RBFOX1: variants seen among roughly 807,000 people sequenced by gnomAD.
RBFOX1 encodes the protein RNA binding fox-1 homolog 1.
RBFOX1 carries 8 observed loss-of-function variants against 57.7 expected under a neutral mutation model. The observed-to-expected ratio is 0.14, with a 90% CI of 0.08 to 0.25. The LOEUF is 0.25. Ranked by LOEUF, RBFOX1 falls within the 10% of genes least tolerant of loss-of-function variation. The pLI, the probability that RBFOX1 is intolerant of heterozygous loss-of-function variation, is 1.00. For synonymous variants in RBFOX1, 326 were observed against 222.4 expected (o/e 1.47, Z -4.15); for missense variants, 611 against 548.5 (o/e 1.11, Z -1.14).
rs997047116 is a variant in RBFOX1 at position 6,002,421 on chromosome 16, T to C, written c.351+135086T>C. 7.2e-5 allele frequency among the ~76,000 whole-genome samples: 11 copies of C among 152,206 alleles called. 1 individual carries two copies. The highest frequency in any genetic ancestry group is 2.7e-4 in the African/African-American group (11 of 41,458). On this transcript the variant is annotated intron_variant, in intron 4 of 19. Transcript: ENST00000641259. ...AGCAGCTCTGGCTGTGCGTACTAGT[T>C]AACAAGACTCACTTTCCACATGGCA...
At position 7,178,126 on chromosome 16, in the gene RBFOX1, G is replaced by A. The variant is rs955763560; in HGVS notation, c.27+126028G>A. On this transcript the variant is annotated intron_variant, in intron 4 of 15. Coordinates refer to ENST00000550418, the MANE Select transcript of RBFOX1 (RefSeq NM_018723.4). ...AACCCCCAGGATGTCAGTGACAGCA[G>A]CAGCAGCAACAACAACAACAAACAA... Among the ~76,000 whole-genome samples, 5 of 152,204 alleles carry A rather than the reference G, an allele frequency of 3.3e-5. No individual in the cohort carries two copies. In the South Asian group the frequency reaches 8.3e-4, roughly 25 times the overall value.
intron 3 of RBFOX1, among the ~76,000 whole-genome samples, chr16:5,725,134 G>C (rs1381380387): frequency 6.6e-6 from 1 of 152,222 alleles, no homozygotes; most frequent in South Asian, 2.1e-4. Flanking sequence ...AATCCTCCAA[G>C]AGGCCTGATA....
intron 2 of RBFOX1, among the ~76,000 whole-genome samples, chr16:5,521,414 G>C (rs978357475): frequency 2.0e-5 from 3 of 152,170 alleles, no homozygotes; most frequent in Non-Finnish European, 4.4e-5. Context: ...TTGTACATTT[G>C]ATTTTAGGAT....
chr16:7,413,838 C>T (rs934913932), intron 4 of RBFOX1, among the ~76,000 whole-genome samples: 12 of 151,998 alleles, frequency 7.9e-5, no homozygotes, highest in African/African-American at 2.9e-4. Context: ...TGGTTTCTAC[C>T]CTATAAATTG....
intron 3 of RBFOX1, among the ~76,000 whole-genome samples, chr16:5,860,281 C>T (rs1597529508): frequency 6.6e-6 from 1 of 152,110 alleles, no homozygotes; most frequent in African/African-American, 2.4e-5. Flanking sequence ...AGGGGTCTCA[C>T]CATGTTGGTC....
At chr16:6,818,349 C>T (rs1227487331) in intron 3 of RBFOX1, among the ~76,000 whole-genome samples, 1 of 152,030 alleles carries the variant, frequency 6.6e-6, no homozygotes, top group Non-Finnish European at 1.5e-5. Context: ...ACGGAGCTCA[C>T]CTCACCCATC....
At chr16:7,036,145 T>G (rs2044347619) in intron 3 of RBFOX1, among the ~76,000 whole-genome samples, 1 of 151,920 alleles carries the variant, frequency 6.6e-6, no homozygotes, top group African/African-American at 2.4e-5. Context: ...TTGGGTGCCT[T>G]CTATCCCTAT....
At chr16:5,539,591 ACT>A (rs1024219020) in intron 2 of RBFOX1, among the ~76,000 whole-genome samples, 8 of 151,762 alleles carry the variant, frequency 5.3e-5, no homozygotes, top group African/African-American at 1.9e-4. Context: ...ATAGAGCGAG[ACT>A]CTCTCTCAAA....
At chr16:7,645,554 A>C (rs958017064) in intron 11 of RBFOX1, among the ~76,000 whole-genome samples, 1 of 152,238 alleles carries the variant, frequency 6.6e-6, no homozygotes, top group Non-Finnish European at 1.5e-5. Context: ...TTAAAGAAAC[A>C]AATGAGCAGA....
At chr16:5,960,053 T>C (rs1190212420) in intron 4 of RBFOX1, among the ~76,000 whole-genome samples, 2 of 151,994 alleles carry the variant, frequency 1.3e-5, no homozygotes, top group Non-Finnish European at 2.9e-5. Flanking sequence ...ATAAAAAAAT[T>C]AGCCGGGCAT....
At chr16:6,767,327 C>T (rs2077475307) in intron 3 of RBFOX1, among the ~76,000 whole-genome samples, 2 of 152,052 alleles carry the variant, frequency 1.3e-5, no homozygotes, top group African/African-American at 4.8e-5. Flanking sequence ...ACACATTGAG[C>T]CTGAAATTGA....
chr16:7,564,208 T>C (rs1013722754), intron 5 of RBFOX1, among the ~76,000 whole-genome samples: 1 of 152,008 alleles, frequency 6.6e-6, no homozygotes, highest in African/African-American at 2.4e-5. Context: ...GGCAGAGATA[T>C]CAGAGCTTCC....
intron 2 of RBFOX1, among the ~76,000 whole-genome samples, chr16:6,356,656 G>A (rs1305811936): frequency 6.6e-6 from 1 of 152,116 alleles, no homozygotes; most frequent in Admixed American, 6.5e-5. Flanking sequence ...GAAGCGTAGG[G>A]AGACATAGCA....
chr16:6,575,300 G>T (rs1204040239), intron 2 of RBFOX1, among the ~76,000 whole-genome samples: 1 of 152,050 alleles, frequency 6.6e-6, no homozygotes, highest in Admixed American at 6.6e-5. Flanking sequence ...ATGTTGTTTG[G>T]TCCTTGTATA....
chr16:7,308,234 G>C (rs977740187), intron 4 of RBFOX1, among the ~76,000 whole-genome samples: 1 of 151,640 alleles, frequency 6.6e-6, no homozygotes, highest in African/African-American at 2.4e-5. Context: ...TGAGGCAACA[G>C]ACAGGATGGA....
chr16:6,917,398 A>G (rs77142383), intron 3 of RBFOX1, among the ~76,000 whole-genome samples: 2,954 of 152,302 alleles, frequency 0.019, 90 homozygotes, highest in African/African-American at 0.067. Flanking sequence ...GTGTAGCTCT[A>G]TATCTTATAA....
intron 1 of RBFOX1, among the ~76,000 whole-genome samples, chr16:6,242,629 A>AACACACACACACACACACAC (rs57154832): frequency 3.1e-4 from 44 of 141,628 alleles, no homozygotes; most frequent in African/African-American, 1.1e-3. Context: ...ATTTATTGCA[A>AACACACACACACACACACAC]ACACACACAC....
intron 1 of RBFOX1, among the ~76,000 whole-genome samples, chr16:5,284,792 A>T (rs7203141): frequency 0.54 from 49,203 of 91,914 alleles, 9,981 homozygotes; most frequent in East Asian, 0.66. Flanking sequence ...TACTTGTAGT[A>T]TACAGACCCT....
intron 4 of RBFOX1, among the ~76,000 whole-genome samples, chr16:7,213,219 A>G (rs1279432563): frequency 2.6e-5 from 4 of 152,216 alleles, no homozygotes; most frequent in Non-Finnish European, 5.9e-5. Context: ...TCTGGGGCAG[A>G]AAAACAATGA....
Sources: gnomAD v4.1 joint callset for allele counts (sites outside exome capture counted in the v4.1 genomes callset) on GRCh38, gnomAD v4.1.1 for gene constraint, MANE v1.5 for transcripts, NCBI Gene and HGNC (gene_info 2026-07-23, HGNC 2026-07-21) for gene names.